CRB1: variants seen among roughly 807,000 people sequenced by gnomAD.
The protein encoded by CRB1 is protein crumbs homolog 1.
Under a neutral mutation model 120.0 loss-of-function variants are expected in CRB1, and 83 were observed. The observed-to-expected ratio is 0.69, with a 90% confidence interval of 0.58 to 0.83. The LOEUF (loss-of-function observed/expected upper bound fraction) is 0.83, where lower values mean the gene tolerates loss of function less well. Among genes scored for constraint, CRB1 ranks in the 40% least tolerant of loss-of-function variants. The pLI is 0.00. For synonymous variants in CRB1, 625 were observed against 612.5 expected (o/e 1.02, Z -0.30); for missense variants, 1,699 against 1,687.6 (o/e 1.01, Z -0.12).
chr1:197,468,169 A>T (rs1449667359), intron 11 of CRB1, among the ~76,000 whole-genome samples: 1 of 152,008 alleles, frequency 6.6e-6, no homozygotes, highest in Non-Finnish European at 1.5e-5. Context: ...TCTTTACCTC[A>T]TTCTCCCAGC....
At chr1:197,202,979 GTGTC>G in the CRB1 span, among the ~76,000 whole-genome samples, 25 of 147,836 alleles carry the variant, frequency 1.7e-4, no homozygotes, top group African/African-American at 3.4e-4. Flanking sequence ...GTGTGTGTGT[GTGTC>G]TGTGTGTGTG....
At chr1:197,317,708 T>C (rs938701739) in intron 1 of CRB1, among the ~76,000 whole-genome samples, 1 of 152,226 alleles carries the variant, frequency 6.6e-6, no homozygotes, top group African/African-American at 2.4e-5. Context: ...TACGGCCCAC[T>C]AATTTTTGAC....
chr1:197,379,780 T>A (rs184910522), intron 5 of CRB1, among the ~76,000 whole-genome samples: 24 of 152,310 alleles, frequency 1.6e-4, no homozygotes, highest in Admixed American at 3.9e-4. Flanking sequence ...AAGATTTATA[T>A]CTAAGCTTGT....
chr1:197,263,782 TA>T (rs974969812), upstream of CRB1, among the ~76,000 whole-genome samples: 6 of 152,004 alleles, frequency 3.9e-5, no homozygotes, highest in Middle Eastern at 3.4e-3. Flanking sequence ...TGATCTATTC[TA>T]AAAAAAACTT....
chr1:197,252,574 A>G, the CRB1 span, among the ~76,000 whole-genome samples: 547 of 41,730 alleles, frequency 0.013, 5 homozygotes, highest in African/African-American at 0.029. Context: ...ATATATATAT[A>G]TATATATATG....
intron 2 of CRB1, among the ~76,000 whole-genome samples, chr1:197,339,713 C>T (rs1435736725): frequency 6.6e-6 from 1 of 152,150 alleles, no homozygotes; most frequent in Non-Finnish European, 1.5e-5. Flanking sequence ...TCTTGTGGCA[C>T]GGAATCTTAA....
intron 1 of CRB1, among the ~76,000 whole-genome samples, chr1:197,312,664 A>G (rs1047967037): frequency 3.3e-5 from 5 of 152,214 alleles, no homozygotes; most frequent in African/African-American, 1.2e-4. Flanking sequence ...CAAAATAATG[A>G]CAATTATCTA....
chr1:197,436,349 T>C (rs925916515), intron 9 of CRB1, among the ~76,000 whole-genome samples: 7 of 151,924 alleles, frequency 4.6e-5, no homozygotes, highest in Admixed American at 1.3e-4. Context: ...TTCATGTTGA[T>C]TAGGATGAAG....
chr1:197,207,701 T>C, the CRB1 span, among the ~76,000 whole-genome samples: 3 of 152,294 alleles, frequency 2.0e-5, no homozygotes, highest in South Asian at 6.2e-4. Context: ...GCCTAGGTGA[T>C]TATCTTTTTG....
the CRB1 span, among the ~76,000 whole-genome samples, chr1:197,260,991 G>A: frequency 7.9e-5 from 12 of 152,142 alleles, no homozygotes; most frequent in East Asian, 1.4e-3. Flanking sequence ...CACCGCGCCC[G>A]GCCTCTAAAT....
chr1:197,239,631 A>C, the CRB1 span, among the ~76,000 whole-genome samples: 1 of 151,560 alleles, frequency 6.6e-6, no homozygotes, highest in Non-Finnish European at 1.5e-5. Flanking sequence ...TTTAAAATCT[A>C]CTTTGTAAAT....
rs550063025 is a variant in CRB1 at position 197,299,350 on chromosome 1, A to G, written c.71-29072A>G. Among the ~76,000 whole-genome samples, 3 of 152,270 alleles carry G rather than the reference A, an allele frequency of 2.0e-5. No individual in the cohort carries two copies. In the South Asian group the frequency reaches 6.2e-4, roughly 32 times the overall value. ...AAAATGATTACATCTTACAAAGCCA[A>G]CCTGACAGACATGTGGAACAACAAG... On this transcript the variant is annotated intron_variant, in intron 1 of 11. Transcript: ENST00000367400.
At chr1:197,351,577 T>C (rs1206252515) in intron 4 of CRB1, among the ~76,000 whole-genome samples, 1 of 152,132 alleles carries the variant, frequency 6.6e-6, no homozygotes, top group East Asian at 1.9e-4. Flanking sequence ...AAATTTGCTT[T>C]GTTAATTTCA....
intron 1 of CRB1, among the ~76,000 whole-genome samples, chr1:197,282,496 A>T (rs1655578549): frequency 1.3e-5 from 2 of 151,900 alleles, no homozygotes; most frequent in African/African-American, 4.8e-5. Context: ...AATAGTGAAA[A>T]ATTAGAAATA....
At chr1:197,252,576 ATATATATGTGTGTG>A in the CRB1 span, among the ~76,000 whole-genome samples, 7 of 35,064 alleles carry the variant, frequency 2.0e-4, no homozygotes, top group African/African-American at 3.9e-4. Flanking sequence ...ATATATATAT[ATATATATGTGTGTG>A]TGTGTGTGTG....
At chr1:197,348,034 A>T (rs1342506786) in intron 4 of CRB1, among the ~76,000 whole-genome samples, 2 of 152,242 alleles carry the variant, frequency 1.3e-5, no homozygotes, top group African/African-American at 4.8e-5. Flanking sequence ...ATAGGCAAAT[A>T]TTGATGCTAA....
chr1:197,297,633 G>A (rs955949709), intron 1 of CRB1, among the ~76,000 whole-genome samples: 1 of 152,066 alleles, frequency 6.6e-6, no homozygotes, highest in Non-Finnish European at 1.5e-5. Flanking sequence ...CAACTTGGGG[G>A]ATATCAATCT....
the CRB1 span, among the ~76,000 whole-genome samples, chr1:197,251,677 G>C: frequency 3.9e-5 from 6 of 152,050 alleles, no homozygotes; most frequent in South Asian, 1.2e-3. Context: ...CACTGTATCT[G>C]TCAGAAATTC....
chr1:197,302,326 A>G (rs1656915496), intron 1 of CRB1, among the ~76,000 whole-genome samples: 1 of 152,204 alleles, frequency 6.6e-6, no homozygotes, highest in South Asian at 2.1e-4. Context: ...TTGCAGGCAT[A>G]ATGCAATGGT....
Sources: allele counts gnomAD v4.1 joint callset (sites outside exome capture counted in the v4.1 genomes callset), GRCh38; gene constraint gnomAD v4.1.1; transcripts MANE v1.5; gene names NCBI Gene and HGNC (gene_info 2026-07-23, HGNC 2026-07-21).